The following NSG1 variants were observed in gnomAD, a reference collection of about 807,000 sequenced individuals.
NSG1 encodes the protein neuronal vesicle trafficking-associated protein 1.
In NSG1, 9 loss-of-function variants were observed where a neutral mutation model predicts 19.3. That is an observed-to-expected ratio of 0.47 (90% CI 0.28 to 0.81). The LOEUF is 0.81. NSG1 is among the 40% of genes least tolerant of loss of function. The pLI is 0.11. For synonymous variants in NSG1, 104 were observed against 107.0 expected (o/e 0.97, Z 0.17); for missense variants, 236 against 242.4 (o/e 0.97, Z 0.18).
intron 4 of NSG1, among the ~76,000 whole-genome samples, chr4:4,412,188 G>A (rs1459601010): frequency 2.0e-5 from 3 of 152,178 alleles, no homozygotes; most frequent in Non-Finnish European, 2.9e-5. Context: ...GCTGTAAAAC[G>A]CACTTGCTGG....
intron 3 of NSG1, among the ~76,000 whole-genome samples, chr4:4,401,779 A>C (rs539693611): frequency 6.6e-6 from 1 of 152,022 alleles, no homozygotes; most frequent in East Asian, 1.9e-4. Flanking sequence ...GCCATCATGG[A>C]CCCCTTCCTT....
At chr4:4,389,405 C>T (rs763873188) in intron 2 of NSG1, among the ~76,000 whole-genome samples, 31 of 152,198 alleles carry the variant, frequency 2.0e-4, no homozygotes, top group African/African-American at 4.3e-4. Flanking sequence ...CCGGACTTCC[C>T]GCCGGGACTG....
chr4:4,411,733 G>C (rs898446179), intron 4 of NSG1, among the ~76,000 whole-genome samples: 13 of 133,962 alleles, frequency 9.7e-5, no homozygotes, highest in African/African-American at 4.6e-4. Context: ...AACAGAGGGA[G>C]ACTCCGTCTA....
chr4:4,410,485 G>C (rs951779826), intron 4 of NSG1, among the ~76,000 whole-genome samples: 3 of 152,208 alleles, frequency 2.0e-5, no homozygotes, highest in Non-Finnish European at 2.9e-5. Context: ...CTACACACCC[G>C]GGCTGGAGGG....
At chr4:4,390,728 G>T (rs983939871) in intron 2 of NSG1, among the ~76,000 whole-genome samples, 1 of 152,238 alleles carries the variant, frequency 6.6e-6, no homozygotes, top group Admixed American at 6.5e-5. Flanking sequence ...GGCAACGGGT[G>T]TGGTGAGTGA....
At chr4:4,403,256 G>A (rs1431609187) in intron 3 of NSG1, among the ~76,000 whole-genome samples, 3 of 152,140 alleles carry the variant, frequency 2.0e-5, no homozygotes, top group Admixed American at 6.5e-5. Flanking sequence ...TGAAGACGGC[G>A]CACGGGCATT....
intron 2 of NSG1, among the ~76,000 whole-genome samples, chr4:4,390,005 T>C (rs1324469317): frequency 6.6e-6 from 1 of 152,154 alleles, no homozygotes; most frequent in Non-Finnish European, 1.5e-5. Context: ...ACCTAGCCTG[T>C]TAGTGGCAGG....
In NSG1 at chr4:4,415,439, C is replaced by T. The variant is rs34301672; in HGVS notation, c.358-1796C>T. Among the ~76,000 whole-genome samples the T allele has an allele frequency of 2.5e-3, 386 of 152,258 alleles. 1 individual carries two copies. The highest frequency in any genetic ancestry group is 6.8e-3 in the Middle Eastern group (2 of 294). On this transcript the variant is annotated intron_variant, in intron 4 of 4. Coordinates refer to ENST00000621129, the MANE Select transcript of NSG1 (RefSeq NM_014392.5). ...ACACACCCCACAGGTGAGGGTGGCT[C>T]TGTATGAGATGGGTATGGGGGGCGG... is the stretch of plus-strand genomic sequence containing the variant.
chr4:4,390,113 C>T (rs1330153632), intron 2 of NSG1, among the ~76,000 whole-genome samples: 2 of 152,158 alleles, frequency 1.3e-5, no homozygotes, highest in Non-Finnish European at 2.9e-5. Context: ...CCTTATTTCC[C>T]ATTCATTGGC....
intron 3 of NSG1, among the ~76,000 whole-genome samples, chr4:4,402,371 A>AGTTTTT (rs1723598073): frequency 1.9e-5 from 1 of 53,912 alleles, no homozygotes; most frequent in African/African-American, 6.1e-5. Context: ...ACGCCTGGTT[A>AGTTTTT]TTTTTTTTTT....
rs979023938 is a variant in NSG1, at chr4:4,388,386, C to T, written c.129+628C>T. Among the ~76,000 whole-genome samples, 6 of 152,364 alleles carry T rather than the reference C, an allele frequency of 3.9e-5. No homozygotes were observed. The East Asian group carries it at 1.2e-3, about 29-fold the overall frequency. On this transcript the variant is annotated intron_variant, in intron 2 of 4. Transcript: ENST00000621129. Reference sequence around the variant, plus strand: ...ATTGGTGTCACTGGGAAAAACCATTCATCAACCTTTCCCCAAAGTGTTTTC... The same window carrying T: ...ATTGGTGTCACTGGGAAAAACCATTTATCAACCTTTCCCCAAAGTGTTTTC...
chr4:4,413,982 TG>T (rs1394407754), intron 4 of NSG1, among the ~76,000 whole-genome samples: 1 of 152,030 alleles, frequency 6.6e-6, no homozygotes, highest in Non-Finnish European at 1.5e-5. Flanking sequence ...GCCCAGGAGC[TG>T]GCCCTGAGCC....
chr4:4,390,451 G>A (rs371554350), intron 2 of NSG1, among the ~76,000 whole-genome samples: 1 of 152,350 alleles, frequency 6.6e-6, no homozygotes, highest in South Asian at 2.1e-4. Flanking sequence ...CTGGCTGCCC[G>A]CCTGGGGCTG....
chr4:4,409,081 G>C (rs948179499), intron 3 of NSG1, among the ~76,000 whole-genome samples: 2 of 152,280 alleles, frequency 1.3e-5, no homozygotes, highest in African/African-American at 4.8e-5. Flanking sequence ...CAGAGGTTCT[G>C]TCTTTCCTGG....
At chr4:4,387,287 G>C in intron 1 of NSG1, 114 bp downstream of exon 1, 1 of 265,146 alleles carries the variant, frequency 3.8e-6, no homozygotes, top group Non-Finnish European at 7.1e-6. Flanking sequence ...GTGAACAGCG[G>C]GTCGCCCGGG....
At chr4:4,404,724 A>AG (rs1723761351) in intron 3 of NSG1, among the ~76,000 whole-genome samples, 1 of 152,158 alleles carries the variant, frequency 6.6e-6, no homozygotes, top group Admixed American at 6.5e-5. Flanking sequence ...TCTCATGGGG[A>AG]GGGGGCAGGG....
intron 4 of NSG1, among the ~76,000 whole-genome samples, chr4:4,410,885 T>G (rs1724142375): frequency 6.6e-6 from 1 of 152,170 alleles, no homozygotes; most frequent in Non-Finnish European, 1.5e-5. Context: ...TGTGATGGAG[T>G]CTCACTCTGT....
At chr4:4,409,146 C>T (rs1366279473) in intron 3 of NSG1, among the ~76,000 whole-genome samples, 1 of 152,236 alleles carries the variant, frequency 6.6e-6, no homozygotes, top group Non-Finnish European at 1.5e-5. Context: ...GCACTGAGCC[C>T]AGGGCTCAGG....
At chr4:4,387,561 C>CGGGGGTGGGTGTGG in intron 1 of NSG1, 43 bp from the exon 2 acceptor site, 14 of 1,141,974 alleles carry the variant, frequency 1.2e-5, no homozygotes, top group East Asian at 2.7e-5. Context: ...CGCCCCGCCC[C>CGGGGGTGGGTGTGG]GGGTCTTGCT....
Sources: gnomAD v4.1 joint callset for allele counts (sites outside exome capture counted in the v4.1 genomes callset) on GRCh38, gnomAD v4.1.1 for gene constraint, MANE v1.5 for transcripts, NCBI Gene and HGNC (gene_info 2026-07-23, HGNC 2026-07-21) for gene names.